FGF14: variants seen among roughly 807,000 people sequenced by gnomAD.
FGF14 encodes fibroblast growth factor homologous factor 4.
In FGF14, 5 loss-of-function variants were observed where a neutral mutation model predicts 25.5. The observed-to-expected ratio is 0.20, with a 90% CI of 0.10 to 0.41. The LOEUF is 0.41. Ranked by LOEUF, FGF14 falls within the 10% of genes least tolerant of loss-of-function variation. The probability of loss-of-function intolerance (pLI) is 1.00; values close to 1 mark genes in which losing one functional copy is unlikely to be tolerated. For synonymous variants in FGF14, 138 were observed against 118.3 expected (o/e 1.17, Z -1.08); for missense variants, 222 against 320.1 (o/e 0.69, Z 2.34).
chr13:102,388,818 C>T (rs775925853), intron 1 of FGF14, among the ~76,000 whole-genome samples: 3 of 152,144 alleles, frequency 2.0e-5, no homozygotes, highest in East Asian at 1.9e-4. Flanking sequence ...TCAATCATGT[C>T]GTTTCTCTTT....
intron 3 of FGF14, among the ~76,000 whole-genome samples, chr13:101,821,003 A>G (rs997251666): frequency 6.9e-6 from 1 of 145,536 alleles, no homozygotes; most frequent in Admixed American, 7.0e-5. Context: ...GCTGGAGTGC[A>G]GTGGCATGAT....
chr13:101,922,983 C>T (rs916352620), intron 1 of FGF14, among the ~76,000 whole-genome samples: 7 of 151,928 alleles, frequency 4.6e-5, no homozygotes, highest in East Asian at 1.9e-4. Flanking sequence ...GCCACTATTT[C>T]GCCTTTCCTA....
rs138879327 is a variant in FGF14 at position 101,971,316 on chromosome 13, T to C, written c.209-96020A>G. On this transcript the variant is annotated intron_variant, in intron 1 of 4. Transcript: ENST00000376131. Reference sequence around the variant, plus strand: ...AAAAGTGGGGATGGGAGCTCATTTATTGAATGTATATTACATACCAGGTAC... The same window carrying C: ...AAAAGTGGGGATGGGAGCTCATTTACTGAATGTATATTACATACCAGGTAC... Among the ~76,000 whole-genome samples, 1,064 of 152,252 alleles carry C rather than the reference T, an allele frequency of 7.0e-3. 4 individuals are homozygous for C. The highest frequency in any genetic ancestry group is 0.024 in the African/African-American group (980 of 41,544).
chr13:102,135,056 CACACAA>C (rs1036521937), intron 1 of FGF14, among the ~76,000 whole-genome samples: 4 of 137,638 alleles, frequency 2.9e-5, no homozygotes, highest in Admixed American at 2.9e-4. Flanking sequence ...CACACACACA[CACACAA>C]ATCCGCGTGG....
intron 1 of FGF14, among the ~76,000 whole-genome samples, chr13:102,252,083 A>G (rs1243867567): frequency 6.6e-6 from 1 of 152,184 alleles, no homozygotes; most frequent in African/African-American, 2.4e-5. Context: ...TATCTGGACC[A>G]TGTTAGGAAG....
intron 3 of FGF14, among the ~76,000 whole-genome samples, chr13:101,788,343 G>T (rs931151959): frequency 1.3e-4 from 20 of 152,172 alleles, no homozygotes; most frequent in African/African-American, 4.6e-4. Context: ...GGCTGTCTCT[G>T]TCAGATTAGA....
At chr13:101,925,053 A>C (rs1486213805) in intron 1 of FGF14, among the ~76,000 whole-genome samples, 2 of 152,226 alleles carry the variant, frequency 1.3e-5, no homozygotes, top group Admixed American at 1.3e-4. Flanking sequence ...TGAGCAAAGC[A>C]AGAATAAGAA....
intron 1 of FGF14, among the ~76,000 whole-genome samples, chr13:102,220,536 A>C (rs1381697230): frequency 6.6e-6 from 1 of 152,246 alleles, no homozygotes; most frequent in Non-Finnish European, 1.5e-5. Flanking sequence ...ACAATTCAAA[A>C]CACTGCAGAC....
intron 1 of FGF14, among the ~76,000 whole-genome samples, chr13:101,882,070 C>A (rs2045739032): frequency 6.6e-6 from 1 of 151,698 alleles, no homozygotes; most frequent in African/African-American, 2.4e-5. Flanking sequence ...AAATACTATT[C>A]TTTTTTTAAC....
chr13:102,115,110 G>A (rs1211717168), intron 1 of FGF14, among the ~76,000 whole-genome samples: 1 of 152,158 alleles, frequency 6.6e-6, no homozygotes, highest in African/African-American at 2.4e-5. Context: ...ATGATTTAGA[G>A]GGCTGCTTCT....
chr13:102,309,010 AT>A (rs1385279165), intron 1 of FGF14, among the ~76,000 whole-genome samples: 1 of 152,070 alleles, frequency 6.6e-6, no homozygotes, highest in African/African-American at 2.4e-5. Flanking sequence ...CAAGACCTGA[AT>A]AAAAATGGGA....
chr13:102,139,707 T>A (rs78541415), intron 1 of FGF14, among the ~76,000 whole-genome samples: 3,822 of 151,764 alleles, frequency 0.025, 172 homozygotes, highest in African/African-American at 0.088. Flanking sequence ...AGTGAGAAAA[T>A]CAAAGAGTAG....
At chr13:101,919,443 T>C (rs2033830834), upstream of FGF14, among the ~76,000 whole-genome samples, 1 of 151,976 alleles carries the variant, frequency 6.6e-6, no homozygotes, top group Non-Finnish European at 1.5e-5. Flanking sequence ...ACAATATTAA[T>C]TTGAAAAGAG....
At chr13:102,011,876 G>A (rs2040099796) in intron 1 of FGF14, among the ~76,000 whole-genome samples, 1 of 152,168 alleles carries the variant, frequency 6.6e-6, no homozygotes, top group East Asian at 1.9e-4. Flanking sequence ...TGAATTAAGT[G>A]GAGAACTGCT....
intron 1 of FGF14, among the ~76,000 whole-genome samples, chr13:102,151,592 G>A (rs775354666): frequency 1.2e-4 from 18 of 152,124 alleles, no homozygotes; most frequent in Non-Finnish European, 2.5e-4. Flanking sequence ...TCCTCCTCCT[G>A]GGTTCAAGTG....
At chr13:101,868,580 C>T in intron 3 of FGF14, 145 bp downstream of exon 3, 2 of 700,372 alleles carry the variant, frequency 2.9e-6, no homozygotes, top group South Asian at 3.0e-5. Context: ...GAATAATAAA[C>T]AGCTTCTAAG....
At chr13:102,391,442 A>C (rs1444079217) in intron 1 of FGF14, among the ~76,000 whole-genome samples, 1 of 152,242 alleles carries the variant, frequency 6.6e-6, no homozygotes, top group Non-Finnish European at 1.5e-5. Context: ...CAACATTTTA[A>C]AAGAAAACTA....
At chr13:101,913,902 G>A (rs185651395) in intron 1 of FGF14, among the ~76,000 whole-genome samples, 9 of 151,830 alleles carry the variant, frequency 5.9e-5, no homozygotes, top group Non-Finnish European at 8.8e-5. Context: ...CTTTCCATAG[G>A]CAATGACTCT....
intron 3 of FGF14, among the ~76,000 whole-genome samples, chr13:101,775,226 AT>A (rs1232612493): frequency 3.3e-5 from 5 of 152,166 alleles, no homozygotes; most frequent in African/African-American, 1.2e-4. Flanking sequence ...TAATAAAGAA[AT>A]TAGATAGAAC....
Sources: gnomAD v4.1 joint callset for allele counts (sites outside exome capture counted in the v4.1 genomes callset) on GRCh38, gnomAD v4.1.1 for gene constraint, MANE v1.5 for transcripts, NCBI Gene and HGNC (gene_info 2026-07-23, HGNC 2026-07-21) for gene names.